The following WDR25 variants were observed in gnomAD, a reference collection of about 807,000 sequenced individuals.
WDR25 encodes WD repeat-containing protein 25.
A neutral mutation model predicts 47.7 loss-of-function variants in WDR25; 35 were observed. That is an observed-to-expected ratio of 0.73 (90% CI 0.56 to 0.97). WDR25 has a LOEUF of 0.97. Among genes scored for constraint, WDR25 ranks in the 50% least tolerant of loss-of-function variants. The pLI, the probability that WDR25 is intolerant of heterozygous loss-of-function variation, is 0.00. For synonymous variants in WDR25, 248 were observed against 278.9 expected (o/e 0.89, Z 1.10); for missense variants, 634 against 704.7 (o/e 0.90, Z 1.14).
chr14:100,463,422 C>T (rs1427806630), intron 2 of WDR25, among the ~76,000 whole-genome samples: 1 of 152,126 alleles, frequency 6.6e-6, no homozygotes, highest in Non-Finnish European at 1.5e-5. Context: ...CCAGGACTTT[C>T]CTCTTCTGTT....
At chr14:100,390,422 T>TGC (rs1381815257) in intron 2 of WDR25, among the ~76,000 whole-genome samples, 1 of 151,244 alleles carries the variant, frequency 6.6e-6, no homozygotes, top group East Asian at 1.9e-4. Flanking sequence ...TGTGTGTGTG[T>TGC]GTGTGCATGC....
At chr14:100,494,436 T>C (rs572489784) in intron 4 of WDR25, among the ~76,000 whole-genome samples, 1 of 152,388 alleles carries the variant, frequency 6.6e-6, no homozygotes, top group Non-Finnish European at 1.5e-5. Context: ...AGTCTAGTTC[T>C]GATACTTGCT....
At chr14:100,455,620 A>G (rs964960696) in intron 2 of WDR25, 9 of 152,228 alleles carry the variant, frequency 5.9e-5, no homozygotes, top group Non-Finnish European at 1.2e-4. Context: ...TGGTAGTCAA[A>G]CCAAAGATGA....
At chr14:100,527,654 G>C (rs1262728588) in intron 5 of WDR25, among the ~76,000 whole-genome samples, 1 of 152,208 alleles carries the variant, frequency 6.6e-6, no homozygotes, top group Non-Finnish European at 1.5e-5. Context: ...CCTGCCTCCA[G>C]GAGCCCAGGG....
At position 100,529,978 on chromosome 14, in the gene WDR25, C is replaced by T. The variant is rs1362990096; in HGVS notation, c.1572C>T (p.His524=). The T allele has an allele frequency of 6.2e-7, 1 of 1,613,430 alleles. No individual in the cohort carries two copies. Among genetic ancestry groups the T allele is most frequent in the East Asian group, 2.2e-5 (1 of 44,870 alleles). ...AGGCCTGTGTCGGCACCACCTATCA[C>T]CCCGTGCTGCCCTCCGTCCTCGCCA... is the stretch of plus-strand genomic sequence containing the variant. ...HTQACVGTTY[H]PVLPSVLATC... The change falls in exon 7 of 7, where the codon CAC becomes CAT. Residue 524 remains histidine (H), a synonymous_variant. Coordinates refer to ENST00000402312, the MANE Select transcript of WDR25 (RefSeq NM_001161476.3). The surrounding 1 kb of genome is among the most constrained non-coding windows in gnomAD (Gnocchi z 5.1).
At position 100,381,701 on chromosome 14, in the gene WDR25, T is replaced by C. The variant is rs1383182457; in HGVS notation, c.777T>C (p.Ser259=). The change falls in exon 2 of 7, where the codon TCT becomes TCC. Residue 259 remains serine, a synonymous_variant. Transcript: ENST00000402312. ...VNTIQWCPVL[S]KSHMLLSTSM... The stretch of plus-strand genomic sequence containing the variant: ...CCATTCAGTGGTGTCCAGTCCTTTC[T>C]AAGAGCCACATGCTTCTCTCCACTT... The C allele has an allele frequency of 6.2e-7, 1 of 1,612,294 alleles. No homozygotes were observed. The highest frequency in any genetic ancestry group is 1.7e-5 in the Admixed American group (1 of 59,400).
At chr14:100,475,095 C>A (rs1899973740) in intron 3 of WDR25, among the ~76,000 whole-genome samples, 1 of 152,182 alleles carries the variant, frequency 6.6e-6, no homozygotes, top group East Asian at 1.9e-4. Context: ...TGAGATATCA[C>A]CTCAAACCTG....
intron 2 of WDR25, 61 bp downstream of exon 2, chr14:100,381,807 T>C (rs552379294): frequency 2.9e-6 from 4 of 1,369,112 alleles, no homozygotes; most frequent in East Asian, 4.7e-5. Flanking sequence ...GCTGGAATAA[T>C]AGTGAAGTGG....
intron 2 of WDR25, among the ~76,000 whole-genome samples, chr14:100,405,847 C>T (rs1429771919): frequency 6.6e-6 from 1 of 152,196 alleles, no homozygotes; most frequent in Admixed American, 6.5e-5. Flanking sequence ...CGAGGAAACC[C>T]ACCTGGATGT....
chr14:100,496,828 CTTTTTTT>C (rs1226765543), intron 4 of WDR25, among the ~76,000 whole-genome samples: 10 of 73,432 alleles, frequency 1.4e-4, no homozygotes, highest in South Asian at 1.3e-3. Flanking sequence ...TTCTTTAATT[CTTTTTTT>C]TTTTTTTTTT....
intron 2 of WDR25, among the ~76,000 whole-genome samples, chr14:100,394,915 G>C (rs1897223546): frequency 6.6e-6 from 1 of 152,122 alleles, no homozygotes; most frequent in South Asian, 2.1e-4. Context: ...AGCCCAGGAG[G>C]TTAAGGCCAC....
intron 2 of WDR25, among the ~76,000 whole-genome samples, chr14:100,439,716 A>C (rs1458415730): frequency 2.0e-5 from 3 of 152,246 alleles, no homozygotes; most frequent in Non-Finnish European, 4.4e-5. Context: ...CATTGTGCTC[A>C]GCTTAACTCT....
At chr14:100,441,258 T>A (rs1898659707) in intron 2 of WDR25, among the ~76,000 whole-genome samples, 1 of 152,134 alleles carries the variant, frequency 6.6e-6, no homozygotes, top group Non-Finnish European at 1.5e-5. Context: ...GTGTGTGATA[T>A]TGGGCGCTGT....
Position 100,392,186 on chromosome 14 carries a change from C to T in WDR25, c.822+10440C>T, listed in dbSNP as rs1355157041. 2.6e-5 allele frequency among the ~76,000 whole-genome samples: 4 copies of T among 152,034 alleles called. No individual in the cohort carries two copies. The highest frequency in any genetic ancestry group is 4.8e-5 in the African/African-American group (2 of 41,460). ...ACGCGAAGTACCCATAGCTATAATC[C>T]GAAAAAACAACAGCTCTTTGGGGTC... is the stretch of plus-strand genomic sequence containing the variant. On this transcript the variant is annotated intron_variant, in intron 2 of 6. Coordinates refer to ENST00000402312, the MANE Select transcript of WDR25 (RefSeq NM_001161476.3). The surrounding 1 kb of genome is among the most constrained non-coding windows in gnomAD (Gnocchi z 4.2).
rs1355698398 is a variant in WDR25, at chr14:100,428,349, G to C, written c.823-39672G>C. On this transcript the variant is annotated intron_variant, in intron 2 of 6. Transcript: ENST00000402312. The surrounding 1 kb of genome is among the most constrained non-coding windows in gnomAD (Gnocchi z 4.3). ...TTGTCCTTTCCTCTTCCTGGTGTGT[G>C]TAGCGAGCCTGGTCAGAGCATGGCG... is the stretch of plus-strand genomic sequence containing the variant. Among the ~76,000 whole-genome samples, 1 of 152,182 alleles carries C rather than the reference G, an allele frequency of 6.6e-6. No homozygotes were observed. Among genetic ancestry groups the C allele is most frequent in the Non-Finnish European group, 1.5e-5 (1 of 68,040 alleles).
chr14:100,497,401 T>C (rs1361297941), intron 4 of WDR25, among the ~76,000 whole-genome samples: 4 of 152,194 alleles, frequency 2.6e-5, no homozygotes, highest in African/African-American at 4.8e-5. Flanking sequence ...TCATATACTT[T>C]GAAGCTGCCA....
At chr14:100,450,352 A>C (rs1898984856) in intron 2 of WDR25, among the ~76,000 whole-genome samples, 1 of 152,110 alleles carries the variant, frequency 6.6e-6, no homozygotes, top group Admixed American at 6.5e-5. Flanking sequence ...AGTGGAAATC[A>C]AGGTGAATCT....
chr14:100,497,830 C>G (rs773245576), intron 4 of WDR25, among the ~76,000 whole-genome samples: 10 of 152,198 alleles, frequency 6.6e-5, no homozygotes, highest in South Asian at 2.1e-4. Flanking sequence ...CCCCTCCCCC[C>G]GCCAGGTGAT....
intron 2 of WDR25, among the ~76,000 whole-genome samples, chr14:100,423,281 A>G (rs990167677): frequency 6.6e-6 from 1 of 151,916 alleles, no homozygotes; most frequent in African/African-American, 2.4e-5. Context: ...CTGTTATAAT[A>G]GCGTGTGCAT....
Sources: gnomAD v4.1 joint callset for allele counts (sites outside exome capture counted in the v4.1 genomes callset) on GRCh38, gnomAD v4.1.1 for gene constraint, Gnocchi (gnomAD v3.1) non-coding constraint, MANE v1.5 for transcripts, NCBI Gene and HGNC (gene_info 2026-07-23, HGNC 2026-07-21) for gene names.